Variants in ZFAT observed in about 807,000 individuals in gnomAD.
ZFAT encodes the protein zinc finger and AT-hook domain containing, also known as zinc finger protein ZFAT.
ZFAT carries 64 observed loss-of-function variants against 117.7 expected under a neutral mutation model. The ratio of observed to expected loss-of-function variants is 0.54; its 90% CI spans 0.44 to 0.67. ZFAT has a LOEUF of 0.67. Among genes scored for constraint, ZFAT ranks in the 30% least tolerant of loss-of-function variants. The pLI, the probability that ZFAT is intolerant of heterozygous loss-of-function variation, is 0.00. For missense variants in ZFAT, 1,433 were observed against 1,584.5 expected, an observed-to-expected ratio of 0.90 and a Z score of 1.62; for synonymous variants, 679 against 615.0, an observed-to-expected ratio of 1.10 and a Z score of -1.54.
intron 12 of ZFAT, among the ~76,000 whole-genome samples, chr8:134,522,685 C>G (rs1381703505): frequency 6.6e-6 from 1 of 152,194 alleles, no homozygotes; most frequent in East Asian, 1.9e-4. Flanking sequence ...ATCCAAGCCC[C>G]AGCCCTCCTT....
chr8:134,686,201 T>C lies in ZFAT; in HGVS notation c.19+26644A>G, dbSNP rs552049321. 3.9e-5 allele frequency among the ~76,000 whole-genome samples: 6 copies of C among 152,352 alleles called. No homozygotes were observed. The South Asian group carries it at 1.0e-3, about 26-fold the overall frequency. ...CTGAGTAAGTTATTTTCAACTCTTA[T>C]GGGGCTTTCCCGTGTATGCCCACAT... On this transcript the variant is annotated intron_variant, in intron 1 of 15. Coordinates refer to ENST00000377838, the MANE Select transcript of ZFAT (RefSeq NM_020863.4).
At chr8:134,679,472 C>T (rs1004617886) in intron 1 of ZFAT, among the ~76,000 whole-genome samples, 11 of 152,334 alleles carry the variant, frequency 7.2e-5, no homozygotes, top group East Asian at 1.9e-4. Context: ...GAAATACTAA[C>T]GCTTTTACAC....
chr8:134,647,688 A>C (rs551943565), intron 2 of ZFAT, among the ~76,000 whole-genome samples: 3 of 152,190 alleles, frequency 2.0e-5, no homozygotes, highest in Admixed American at 6.5e-5. Flanking sequence ...TACAAGATAC[A>C]AAATCAACAT....
At chr8:134,814,202 T>C in the ZFAT span, among the ~76,000 whole-genome samples, 1 of 152,222 alleles carries the variant, frequency 6.6e-6, no homozygotes, top group Admixed American at 6.5e-5. Flanking sequence ...GAATATGTTA[T>C]AACATCAACA....
At position 134,637,696 on chromosome 8, in the gene ZFAT, C is replaced by T; in HGVS notation, c.213G>A (p.Lys71=). 6.2e-7 allele frequency: 1 copy of T among 1,614,000 alleles called. No individual in the cohort carries two copies. Among genetic ancestry groups the T allele is most frequent in the Non-Finnish European group, 8.5e-7 (1 of 1,180,000 alleles). ...ACCCCTTAGGCCTGCCTCTCTTCCT[C>T]TTCATGACCAAAAACTCTACAGAGG... ...SKTGDEFLVM[K]RKRGRPKGST... Residue 71 remains lysine (K), a synonymous_variant, in exon 3 of 16, where the codon AAG becomes AAA. Coordinates refer to ENST00000377838, the MANE Select transcript of ZFAT (RefSeq NM_020863.4).
intron 11 of ZFAT, among the ~76,000 whole-genome samples, chr8:134,538,894 ATTCTT>A (rs1822042783): frequency 6.6e-6 from 1 of 152,112 alleles, no homozygotes; most frequent in African/African-American, 2.4e-5. Flanking sequence ...TAAGGCTGAA[ATTCTT>A]TAAGTCCTTA....
the ZFAT span, among the ~76,000 whole-genome samples, chr8:134,820,104 A>G: frequency 6.6e-6 from 1 of 152,232 alleles, no homozygotes; most frequent in African/African-American, 2.4e-5. Flanking sequence ...AAGGAAGCTT[A>G]TAATCACAAT....
the ZFAT span, among the ~76,000 whole-genome samples, chr8:134,806,212 T>C: frequency 6.6e-6 from 1 of 152,122 alleles, no homozygotes; most frequent in Non-Finnish European, 1.5e-5. Flanking sequence ...AATACCAAAT[T>C]TTTTGAGAAA....
the ZFAT span, among the ~76,000 whole-genome samples, chr8:134,822,389 C>T: frequency 6.6e-6 from 1 of 152,072 alleles, no homozygotes; most frequent in African/African-American, 2.4e-5. Flanking sequence ...ATGTTCTCTG[C>T]ATACTCTGGA....
At chr8:134,652,483 C>T (rs1489476640) in intron 2 of ZFAT, among the ~76,000 whole-genome samples, 2 of 152,166 alleles carry the variant, frequency 1.3e-5, no homozygotes, top group Non-Finnish European at 2.9e-5. Context: ...TCTAAATGAA[C>T]ACTTACTGTA....
Position 134,638,549 on chromosome 8 carries a change from C to CAAAAAAAAA in ZFAT, c.197-846_197-838dup, listed in dbSNP as rs758050176. On this transcript the variant is annotated intron_variant, in intron 2 of 15. Transcript: ENST00000377838. ...TGAAACTCTGTCTCTACTAAAAATA[C>CAAAAAAAAA]AAAAAAAAAACAAAACAAAAAAAAA... 7.5e-3 allele frequency among the ~76,000 whole-genome samples: 758 copies of CAAAAAAAAA among 100,850 alleles called. 31 individuals carry two copies. Among genetic ancestry groups the CAAAAAAAAA allele is most frequent in the African/African-American group, 0.011 (304 of 26,752 alleles). The allele number at this position is 100,850 out of a possible 152,430, so 66.2% of individuals were successfully genotyped here. A position where few individuals can be genotyped will look rare whatever the true frequency, so the allele number is the denominator to read the frequency against.
chr8:134,824,257 G>A, the ZFAT span, among the ~76,000 whole-genome samples: 1 of 152,180 alleles, frequency 6.6e-6, no homozygotes, highest in African/African-American at 2.4e-5. Flanking sequence ...AACAATTTAA[G>A]TAGAATTAGA....
At chr8:134,799,342 T>C in the ZFAT span, among the ~76,000 whole-genome samples, 4 of 152,300 alleles carry the variant, frequency 2.6e-5, no homozygotes, top group African/African-American at 7.2e-5. Context: ...TTACATAATT[T>C]TCGTTTTATA....
At chr8:134,637,752 A>T in intron 2 of ZFAT, 40 bp from the exon 3 acceptor site, 1 of 1,596,742 alleles carries the variant, frequency 6.3e-7, no homozygotes, top group Non-Finnish European at 8.6e-7. Context: ...ATCACGTGAG[A>T]CGGCAGTGCA....
intron 4 of ZFAT, among the ~76,000 whole-genome samples, chr8:134,610,012 A>C (rs1384484003): frequency 6.6e-6 from 1 of 152,236 alleles, no homozygotes. Flanking sequence ...TTCTATGTGC[A>C]GAGAGGAAAA....
Position 134,478,619 on chromosome 8 carries a change from A to C in ZFAT, c.3595T>G (p.Ser1199Ala), listed in dbSNP as rs1817051733. The change falls in exon 16 of 16, where the codon TCC becomes GCC. Residue 1199 changes from serine to alanine, a missense_variant. By Grantham distance (99) the Ser-to-Ala change is moderately conservative. Around this residue, in one of 5 missense-constraint regions of ZFAT, gnomAD observed 503 missense variants for 543.4 expected, o/e 0.93. Transcript: ENST00000377838. The surrounding 1 kb of genome is among the most constrained non-coding windows in gnomAD (Gnocchi z 5.2). ...LAEQHHLVVSSDDVEGIETVT... is the reference protein window; with the variant it reads ...LAEQHHLVVSADDVEGIETVT... ...GTCTCAATGCCCTCCACGTCGTCGG[A>C]GGACACCACCAGGTGGTGCTGCTCG... 4 of 1,586,964 alleles carry C rather than the reference A, an allele frequency of 2.5e-6. No individual in the cohort carries two copies. The highest frequency in any genetic ancestry group is 4.6e-5 in the East Asian group (2 of 43,134).
At chr8:134,646,558 T>C (rs1025581794) in intron 2 of ZFAT, among the ~76,000 whole-genome samples, 1 of 150,624 alleles carries the variant, frequency 6.6e-6, no homozygotes, top group Non-Finnish European at 1.5e-5. Flanking sequence ...AATAATAGAA[T>C]AGAGCAGAAA....
At chr8:134,716,693 G>A (rs945148852), upstream of ZFAT, among the ~76,000 whole-genome samples, 11 of 152,214 alleles carry the variant, frequency 7.2e-5, no homozygotes, top group African/African-American at 2.7e-4. Context: ...CACAACAACT[G>A]TAGATCTATG....
At chr8:134,610,925 T>G (rs1168548728) in intron 3 of ZFAT, among the ~76,000 whole-genome samples, 3 of 152,254 alleles carry the variant, frequency 2.0e-5, no homozygotes, top group African/African-American at 7.2e-5. Context: ...TGTCTTGTCT[T>G]GTCTTCATGA....
Sources: allele counts gnomAD v4.1 joint callset (sites outside exome capture counted in the v4.1 genomes callset), GRCh38; gene constraint gnomAD v4.1.1; regional missense constraint gnomAD v4.1.1; non-coding constraint Gnocchi (gnomAD v3.1); transcripts MANE v1.5; gene names NCBI Gene and HGNC (gene_info 2026-07-23, HGNC 2026-07-21).